JAG1: variants seen among roughly 807,000 people sequenced by gnomAD.
JAG1 encodes protein jagged-1.
A neutral mutation model predicts 148.7 loss-of-function variants in JAG1; 23 were observed. The ratio of observed to expected loss-of-function variants is 0.15; its 90% CI spans 0.11 to 0.22. The LOEUF (loss-of-function observed/expected upper bound fraction) is 0.22, where lower values mean the gene tolerates loss of function less well. Among genes scored for constraint, JAG1 ranks in the 10% least tolerant of loss-of-function variants. The pLI is 1.00. For missense variants in JAG1, 1,054 were observed against 1,611.2 expected (o/e 0.65, Z 5.92); for synonymous variants, 572 against 598.3 (o/e 0.96, Z 0.64).
chr20:10,673,264 C>A lies in JAG1; in HGVS notation c.81+186G>T, dbSNP rs1254740211. 6.6e-6 allele frequency among the ~76,000 whole-genome samples: 1 copy of A among 152,112 alleles called. No homozygotes were observed. The highest frequency in any genetic ancestry group is 2.4e-5 in the African/African-American group (1 of 41,438). ...GCCCCTGTCCGGCCTGGAGGGGTCA[C>A]CCTCAGGAGGCAGGGGCTCCCGTGG... On this transcript the variant is annotated intron_variant, in intron 1 of 25. Transcript: ENST00000254958. The surrounding 1 kb of genome is among the most constrained non-coding windows in gnomAD (Gnocchi z 4.7).
At chr20:10,648,979 G>A (rs1385833273) in intron 11 of JAG1, 82 bp downstream of exon 11, 3 of 1,190,930 alleles carry the variant, frequency 2.5e-6, no homozygotes, top group African/African-American at 1.5e-5. Flanking sequence ...ATCTCACAGG[G>A]ACAGAGCTCT....
intron 9 of JAG1, 35 bp from the exon 10 acceptor site, chr20:10,649,670 G>A (rs1025519938): frequency 3.2e-6 from 4 of 1,267,646 alleles, no homozygotes; most frequent in Admixed American, 3.4e-5. Flanking sequence ...GAGAAATGAA[G>A]TTCAACCCCC....
intron 4 of JAG1, among the ~76,000 whole-genome samples, chr20:10,656,767 C>T (rs980235304): frequency 6.6e-6 from 1 of 151,430 alleles, no homozygotes; most frequent in Non-Finnish European, 1.5e-5. Context: ...TTGAGCAGAG[C>T]TTGGTCAGTT....
In JAG1 at chr20:10,645,344, A is replaced by G. The variant is rs765920494; in HGVS notation, c.2113+12T>C. 22 of 1,610,592 alleles carry G rather than the reference A, an allele frequency of 1.4e-5. No homozygotes were observed. Among genetic ancestry groups the G allele is most frequent in the South Asian group, 2.2e-5 (2 of 91,024 alleles). ...GTCCCAGAGATAGCATCCAAGGCCA[A>G]CTACCACTTACGTGAGTGGCAGGTC... is the stretch of plus-strand genomic sequence containing the variant. On this transcript the variant is annotated intron_variant, in intron 16 of 25. Transcript: ENST00000254958. The surrounding 1 kb of genome is among the most constrained non-coding windows in gnomAD (Gnocchi z 6.1).
chr20:10,649,461 C>G, intron 10 of JAG1, 61 bp downstream of exon 10: 1 of 1,031,068 alleles, frequency 9.7e-7, no homozygotes, highest in Non-Finnish European at 1.5e-6. Context: ...AGCCCCAGTA[C>G]GGACCAGCAA....
rs371977432 is a variant in JAG1 at position 10,648,024 on chromosome 20, G to A, written c.1656C>T (p.Pro552=). 1.1e-5 allele frequency: 17 copies of A among 1,614,002 alleles called. No homozygotes were observed. The East Asian group carries it at 1.1e-4, about 11-fold the overall frequency. The change falls in exon 13 of 26, where the codon CCC becomes CCT. Residue 552 remains proline, a synonymous_variant. Coordinates refer to ENST00000254958, the MANE Select transcript of JAG1 (RefSeq NM_000214.3). ...AGCAGTTCTTGCCCTCATAGTCCTC[G>A]GGGCACTTGCAGAAATAGTCACTGG... ...NRASDYFCKC[P]EDYEGKNCSH...
rs951580411 is a variant in JAG1 at position 10,673,542 on chromosome 20, G to C, written c.-12C>G. On this transcript the variant is annotated 5_prime_UTR_variant, in exon 1 of 26. Transcript: ENST00000254958. The surrounding 1 kb of genome is among the most constrained non-coding windows in gnomAD (Gnocchi z 4.7). Reference sequence around the variant, plus strand: ...CGTGGGGAACGCATCGCTGCGCCGCGCGCCGCGGGCACTCGGGACGCCGCC... The same window carrying C: ...CGTGGGGAACGCATCGCTGCGCCGCCCGCCGCGGGCACTCGGGACGCCGCC... 1.6e-6 allele frequency: 2 copies of C among 1,235,082 alleles called. No individual in the cohort carries two copies. Among genetic ancestry groups the C allele is most frequent in the African/African-American group, 1.6e-5 (1 of 63,798 alleles). The allele number at this position is 1,235,082 out of a possible 1,614,324, so 76.5% of individuals were successfully genotyped here.
chr20:10,649,784 T>G, intron 9 of JAG1, 149 bp from the exon 10 acceptor site: 1 of 679,858 alleles, frequency 1.5e-6, no homozygotes, highest in Non-Finnish European at 2.7e-6. Context: ...TTCCCTCTAT[T>G]TTAAGCATCT....
intron 2 of JAG1, among the ~76,000 whole-genome samples, chr20:10,669,547 CAAAAAAAAAAAAAAAAAAAAAAAAAA>C (rs56122797): frequency 1.1e-4 from 5 of 44,198 alleles, no homozygotes; most frequent in African/African-American, 1.7e-4. Context: ...TTGGATTTTC[CAAAAAAAAAAAAAAAAAAAAAAAAAA>C]AAAAAAAAAA....
At chr20:10,667,143 C>G (rs2067459691) in intron 2 of JAG1, among the ~76,000 whole-genome samples, 2 of 152,266 alleles carry the variant, frequency 1.3e-5, no homozygotes, top group Non-Finnish European at 2.9e-5. Context: ...TGCCTCCCCT[C>G]CTGCCAAGCT....
Position 10,642,471 on chromosome 20 carries a change from A to G in JAG1, c.2572+17T>C, listed in dbSNP as rs1409799470. The G allele has an allele frequency of 6.7e-7, 1 of 1,494,836 alleles. No homozygotes were observed. The highest frequency in any genetic ancestry group is 9.3e-7 in the Non-Finnish European group (1 of 1,071,044). The allele number at this position is 1,494,836 out of a possible 1,614,324, so 92.6% of individuals were successfully genotyped here. ...ACCCCAGAAGACCCATGGGCAGCTG[A>G]AGCCTGGCACACATACCTTCCTGGC... On this transcript the variant is annotated intron_variant, in intron 21 of 25. Transcript: ENST00000254958.
chr20:10,660,113 C>G (rs946698927), intron 3 of JAG1, among the ~76,000 whole-genome samples: 1 of 152,220 alleles, frequency 6.6e-6, no homozygotes, highest in Non-Finnish European at 1.5e-5. Flanking sequence ...TTCTAGGCCT[C>G]GGGCCAGTGC....
Position 10,666,526 on chromosome 20 carries a change from AAAC to A in JAG1, c.388-2515_388-2513del, listed in dbSNP as rs572038253. ...TGTTCAAACTTAAGTTTATACAGCA[AAAC>A]AACAACAACAAAAGCAAATACCTGG... is the stretch of plus-strand genomic sequence containing the variant. On this transcript the variant is annotated intron_variant, in intron 2 of 25. Coordinates refer to ENST00000254958, the MANE Select transcript of JAG1 (RefSeq NM_000214.3). 4.6e-5 allele frequency among the ~76,000 whole-genome samples: 7 copies of A among 152,284 alleles called. No homozygotes were observed. The South Asian group carries it at 6.2e-4, about 14-fold the overall frequency.
At chr20:10,647,938 G>A (rs755401329) in intron 13 of JAG1, 22 bp downstream of exon 13, 1 of 1,613,658 alleles carries the variant, frequency 6.2e-7, no homozygotes, top group South Asian at 1.1e-5. Flanking sequence ...GAGACAGCCA[G>A]GTCCCGGGAG....
In JAG1 at chr20:10,673,071, G is replaced by A; in HGVS notation, c.82-65C>T. The A allele has an allele frequency of 6.7e-7, 1 of 1,494,080 alleles. No homozygotes were observed. The highest frequency in any genetic ancestry group is 1.1e-5 in the South Asian group (1 of 88,088). The allele number at this position is 1,494,080 out of a possible 1,614,324, so 92.6% of individuals were successfully genotyped here. On this transcript the variant is annotated intron_variant, in intron 1 of 25. Transcript: ENST00000254958. The surrounding 1 kb of genome is among the most constrained non-coding windows in gnomAD (Gnocchi z 4.7). ...GCTGTTTTCTTCGAGTATAGAGGTG[G>A]CGACTCCCTCCCACTCCCCGCCCCG...
rs901489977 is a variant in JAG1 at position 10,673,483 on chromosome 20, G to T, written c.48C>A (p.Leu16=). ...TRGRSGRPLS[L]LLALLCALRA... is the part of the protein sequence containing the mutation. ...GCAGGGCACAGAGCAGGGCGAGCAG[G>T]AGGCTTAGGGGGCGCCCGGACCGGC... The change falls in exon 1 of 26, where the codon CTC becomes CTA. Residue 16 remains leucine, a synonymous_variant. Coordinates refer to ENST00000254958, the MANE Select transcript of JAG1 (RefSeq NM_000214.3). The surrounding 1 kb of genome is among the most constrained non-coding windows in gnomAD (Gnocchi z 4.7). 1.3e-4 allele frequency: 168 copies of T among 1,319,380 alleles called. No individual in the cohort carries two copies. Among genetic ancestry groups the T allele is most frequent in the Non-Finnish European group, 1.6e-4 (164 of 1,028,620 alleles). The allele number at this position is 1,319,380 out of a possible 1,614,324, so 81.7% of individuals were successfully genotyped here. A position where few individuals can be genotyped will look rare whatever the true frequency, so the allele number is the denominator to read the frequency against.
chr20:10,657,799 A>G (rs1020451241), intron 4 of JAG1, among the ~76,000 whole-genome samples: 9 of 152,174 alleles, frequency 5.9e-5, no homozygotes, highest in South Asian at 2.1e-4. Flanking sequence ...AGCTAACCAC[A>G]TACCTCTCCC....
Position 10,637,712 on chromosome 20 carries a change from G to C in JAG1, c.*1786C>G, listed in dbSNP as rs1346697439. The C allele has an allele frequency of 6.6e-6, 1 of 152,626 alleles. No individual in the cohort carries two copies. Among genetic ancestry groups the C allele is most frequent in the Non-Finnish European group, 1.5e-5 (1 of 68,054 alleles). 9.5% of individuals were successfully genotyped at this position (152,626 alleles called of 1,614,324 possible). Reference sequence around the variant, plus strand: ...CATTAATCCAGTGGTGTTTATTCAAGCAGTATTCACACTTGCTGTTGAATA... The same window carrying C: ...CATTAATCCAGTGGTGTTTATTCAACCAGTATTCACACTTGCTGTTGAATA... On this transcript the variant is annotated 3_prime_UTR_variant, in exon 26 of 26. Transcript: ENST00000254958.
At chr20:10,669,396 A>T (rs1001473977) in intron 2 of JAG1, among the ~76,000 whole-genome samples, 1 of 151,826 alleles carries the variant, frequency 6.6e-6, no homozygotes, top group Non-Finnish European at 1.5e-5. Flanking sequence ...AAGCTCAGGG[A>T]CTGGAAAAGA....
Sources: allele counts gnomAD v4.1 joint callset (sites outside exome capture counted in the v4.1 genomes callset), GRCh38; gene constraint gnomAD v4.1.1; non-coding constraint Gnocchi (gnomAD v3.1); transcripts MANE v1.5; gene names NCBI Gene and HGNC (gene_info 2026-07-23, HGNC 2026-07-21).